Variants in GNAQ observed in about 807,000 individuals in gnomAD.
GNAQ encodes guanine nucleotide-binding protein G(q) subunit alpha.
A neutral mutation model predicts 43.9 loss-of-function variants in GNAQ; 8 were observed. The ratio of observed to expected loss-of-function variants is 0.18; its 90% confidence interval spans 0.11 to 0.33. The LOEUF (loss-of-function observed/expected upper bound fraction) is 0.33. Ranked by LOEUF, GNAQ falls within the 10% of genes least tolerant of loss-of-function variation. The pLI, the probability that GNAQ is intolerant of heterozygous loss-of-function variation, is 1.00. For synonymous variants in GNAQ, 155 were observed against 170.7 expected, an observed-to-expected ratio of 0.91 and a Z score of 0.71; for missense variants, 158 against 450.8, an observed-to-expected ratio of 0.35 and a Z score of 5.88.
intron 2 of GNAQ, among the ~76,000 whole-genome samples, chr9:77,840,621 G>GC (rs1827475013): frequency 1.3e-5 from 2 of 152,150 alleles, no homozygotes. Context: ...ACAGGAGTGA[G>GC]CCACTGCACC....
intron 5 of GNAQ, among the ~76,000 whole-genome samples, chr9:77,769,665 T>C (rs1826189713): frequency 9.4e-6 from 1 of 106,890 alleles, no homozygotes; most frequent in Non-Finnish European, 1.9e-5. Context: ...ACAAGAACTC[T>C]TTTTTTTTTT....
At chr9:77,915,774 G>A (rs1421080354) in intron 2 of GNAQ, among the ~76,000 whole-genome samples, 4 of 152,106 alleles carry the variant, frequency 2.6e-5, no homozygotes, top group Non-Finnish European at 5.9e-5. Context: ...TCCAGAATAA[G>A]AAATTTTATT....
chr9:77,960,217 AT>A (rs1311119113), intron 1 of GNAQ, among the ~76,000 whole-genome samples: 2 of 151,708 alleles, frequency 1.3e-5, no homozygotes, highest in Non-Finnish European at 2.9e-5. Context: ...TGCTCTCTTT[AT>A]TTCCTTCTCT....
intron 1 of GNAQ, among the ~76,000 whole-genome samples, chr9:77,925,960 A>C (rs1049852370): frequency 9.9e-5 from 15 of 152,208 alleles, no homozygotes; most frequent in Non-Finnish European, 1.8e-4. Flanking sequence ...TGTAAATGCT[A>C]TGTAAATAGT....
Position 77,752,050 on chromosome 9 carries a change from C to T in GNAQ, c.736-23383G>A, listed in dbSNP as rs58671666. ...AAATGCTTCCCTTGGAATTGGATGA[C>T]AAAACAACTTTATCTCAGTATGCAC... On this transcript the variant is annotated intron_variant, in intron 5 of 6. Coordinates refer to ENST00000286548, the MANE Select transcript of GNAQ (RefSeq NM_002072.5). Among the ~76,000 whole-genome samples the T allele has an allele frequency of 3.3e-3, 508 of 152,234 alleles. 4 individuals are homozygous for T. Among genetic ancestry groups the T allele is most frequent in the African/African-American group, 0.011 (477 of 41,552 alleles).
intron 2 of GNAQ, among the ~76,000 whole-genome samples, chr9:77,864,111 G>C (rs1205187209): frequency 6.6e-6 from 1 of 152,068 alleles, no homozygotes. Flanking sequence ...AAGGCAAAGG[G>C]AAGCAGGCAC....
chr9:77,915,254 G>C (rs991158501), intron 2 of GNAQ, among the ~76,000 whole-genome samples: 1 of 152,106 alleles, frequency 6.6e-6, no homozygotes, highest in South Asian at 2.1e-4. Flanking sequence ...TTCAATGACT[G>C]TCACTCTGAA....
At chr9:77,909,797 G>C (rs1587403121) in intron 2 of GNAQ, among the ~76,000 whole-genome samples, 1 of 151,860 alleles carries the variant, frequency 6.6e-6, no homozygotes, top group East Asian at 1.9e-4. Context: ...AAATAAAGGT[G>C]GTAAAAGTAT....
rs373671652 is a variant in GNAQ, at chr9:77,910,230, G to A, written c.321+11931C>T. 1.4e-4 allele frequency among the ~76,000 whole-genome samples: 21 copies of A among 152,254 alleles called. No homozygotes were observed. The South Asian group carries it at 3.1e-3, about 23-fold the overall frequency. On this transcript the variant is annotated intron_variant, in intron 2 of 6. Transcript: ENST00000286548. Reference sequence around the variant, plus strand: ...TCACTGAGATGACTTCTCCAGTGGCGTAAAAATGAGAAGGAAATGCCCCAG... The same window carrying A: ...TCACTGAGATGACTTCTCCAGTGGCATAAAAATGAGAAGGAAATGCCCCAG...
chr9:78,028,159 T>A lies in GNAQ; in HGVS notation c.136+2941A>T, dbSNP rs185558903. On this transcript the variant is annotated intron_variant, in intron 1 of 6. Transcript: ENST00000286548. ...TGAAGTATGCTCTTGTATATCTACA[T>A]AGAATACAAAGAGTAAGTTTTGAGT... Among the ~76,000 whole-genome samples, 177 of 152,320 alleles carry A rather than the reference T, an allele frequency of 1.2e-3. 1 individual carries two copies. The highest frequency in any genetic ancestry group is 2.0e-3 in the Non-Finnish European group (139 of 68,008).
intron 5 of GNAQ, among the ~76,000 whole-genome samples, chr9:77,740,618 C>T (rs1171209249): frequency 6.6e-6 from 1 of 151,978 alleles, no homozygotes; most frequent in East Asian, 1.9e-4. Context: ...TTTCTAAGGC[C>T]ATGTTATATT....
chr9:77,954,834 CATTCCT>C, intron 1 of GNAQ, among the ~76,000 whole-genome samples: 1 of 152,304 alleles, frequency 6.6e-6, no homozygotes, highest in Non-Finnish European at 1.5e-5. Context: ...CGTCACCAGT[CATTCCT>C]GTGTTAACCA....
chr9:77,719,711 A>G lies in GNAQ; in HGVS notation c.*1612T>C. On this transcript the variant is annotated 3_prime_UTR_variant, in exon 7 of 7. Coordinates refer to ENST00000286548, the MANE Select transcript of GNAQ (RefSeq NM_002072.5). ...ATCAAATTTCAACTCAAGCTGCTTG[A>G]CAGAAGCTTGTCAATACATGTGCTG... 4.3e-6 allele frequency: 1 copy of G among 232,938 alleles called. No homozygotes were observed. The highest frequency in any genetic ancestry group is 8.5e-6 in the Non-Finnish European group (1 of 117,836). The allele number at this position is 232,938 out of a possible 1,614,324, so 14.4% of individuals were successfully genotyped here. A position where few individuals can be genotyped will look rare whatever the true frequency, so the allele number is the denominator to read the frequency against.
chr9:77,939,256 C>T (rs550881542), intron 1 of GNAQ, among the ~76,000 whole-genome samples: 2 of 152,324 alleles, frequency 1.3e-5, no homozygotes, highest in African/African-American at 4.8e-5. Flanking sequence ...AACTCTACCT[C>T]AGAGCCTCCA....
At chr9:77,929,704 G>A (rs1172926603) in intron 1 of GNAQ, among the ~76,000 whole-genome samples, 1 of 152,010 alleles carries the variant, frequency 6.6e-6, no homozygotes, top group Non-Finnish European at 1.5e-5. Flanking sequence ...GTGTGGTGAT[G>A]TGCGCCTGTA....
intron 1 of GNAQ, among the ~76,000 whole-genome samples, chr9:77,975,516 T>C (rs900934005): frequency 4.6e-5 from 7 of 151,606 alleles, no homozygotes; most frequent in African/African-American, 1.7e-4. Context: ...AAACTACACT[T>C]TTACTGTTAT....
chr9:77,844,940 C>T (rs1016246251), intron 2 of GNAQ, among the ~76,000 whole-genome samples: 1 of 152,108 alleles, frequency 6.6e-6, no homozygotes, highest in Admixed American at 6.6e-5. Context: ...CTCCCAAGTA[C>T]TGGGAATCTG....
chr9:77,888,243 T>G (rs746931531), intron 2 of GNAQ, among the ~76,000 whole-genome samples: 3 of 152,208 alleles, frequency 2.0e-5, no homozygotes, highest in Non-Finnish European at 4.4e-5. Flanking sequence ...ATTATTGGAA[T>G]CCACGATAAC....
At chr9:77,751,424 G>A (rs1032079012) in intron 5 of GNAQ, among the ~76,000 whole-genome samples, 1 of 152,130 alleles carries the variant, frequency 6.6e-6, no homozygotes, top group Non-Finnish European at 1.5e-5. Context: ...CATGTAACCA[G>A]TAAAATGAAA....
Sources: allele counts gnomAD v4.1 joint callset (sites outside exome capture counted in the v4.1 genomes callset), GRCh38; gene constraint gnomAD v4.1.1; transcripts MANE v1.5; gene names NCBI Gene and HGNC (gene_info 2026-07-23, HGNC 2026-07-21).